Variants in DGKH observed in about 807,000 individuals in gnomAD.
DGKH encodes the protein diacylglycerol kinase eta.
A neutral mutation model predicts 159.3 loss-of-function variants in DGKH; 90 were observed. The ratio of observed to expected loss-of-function variants is 0.57; its 90% CI spans 0.48 to 0.67. DGKH has a LOEUF of 0.67. Among genes scored for constraint, DGKH ranks in the 30% least tolerant of loss-of-function variants. The pLI, the probability that DGKH is intolerant of heterozygous loss-of-function variation, is 0.00. For synonymous variants in DGKH, 536 were observed against 553.8 expected (o/e 0.97, Z 0.45); for missense variants, 1,181 against 1,506.1 (o/e 0.78, Z 3.57).
At chr13:42,174,428 G>A (rs991556297) in intron 12 of DGKH, among the ~76,000 whole-genome samples, 2 of 152,088 alleles carry the variant, frequency 1.3e-5, no homozygotes, top group African/African-American at 4.8e-5. Flanking sequence ...AAAGTCATGG[G>A]AGTTAAATGA....
chr13:42,253,946 A>T (rs900129829), intron 30 of DGKH, among the ~76,000 whole-genome samples: 2 of 151,746 alleles, frequency 1.3e-5, no homozygotes, highest in African/African-American at 4.8e-5. Context: ...CCCCATAATA[A>T]TGTTATATTG....
chr13:42,197,252 C>CAAA (rs71703387), intron 17 of DGKH, among the ~76,000 whole-genome samples: 56 of 85,976 alleles, frequency 6.5e-4, no homozygotes, highest in East Asian at 8.3e-4. Flanking sequence ...TCTATCTCAA[C>CAAA]AAAAAAAAAA....
At chr13:42,155,122 C>G (rs1357134278) in intron 3 of DGKH, among the ~76,000 whole-genome samples, 169 bp from the exon 4 acceptor site, 2 of 152,166 alleles carry the variant, frequency 1.3e-5, no homozygotes, top group Non-Finnish European at 2.9e-5. Context: ...GGTAGAAAAA[C>G]TCCTTAGGCT....
At chr13:42,081,377 G>A (rs1672394393) in intron 1 of DGKH, among the ~76,000 whole-genome samples, 1 of 152,036 alleles carries the variant, frequency 6.6e-6, no homozygotes, top group African/African-American at 2.4e-5. Context: ...CTACAGGTGT[G>A]CACCACCACG....
chr13:42,151,982 G>A (rs9533015), intron 3 of DGKH, among the ~76,000 whole-genome samples: 53,620 of 151,872 alleles, frequency 0.35, 9,975 homozygotes, highest in Non-Finnish European at 0.42. Context: ...TTTAATGACT[G>A]CTCTAAGATG....
chr13:42,187,985 G>T (rs1566171944), intron 14 of DGKH, among the ~76,000 whole-genome samples: 1 of 152,160 alleles, frequency 6.6e-6, no homozygotes. Context: ...CTTACAAAAG[G>T]CTTGAGTATC....
intron 13 of DGKH, among the ~76,000 whole-genome samples, chr13:42,183,495 G>A (rs1277290058): frequency 6.6e-6 from 1 of 151,976 alleles, no homozygotes; most frequent in Non-Finnish European, 1.5e-5. Context: ...TTTTGTGAAT[G>A]TTATTTATTT....
chr13:42,256,176 T>C, intron 30 of DGKH: 1 of 1,210,954 alleles, frequency 8.3e-7, no homozygotes, highest in Non-Finnish European at 1.2e-6. Context: ...GGGAATCATG[T>C]TGCTGTAACA....
intron 3 of DGKH, among the ~76,000 whole-genome samples, chr13:42,130,807 C>T (rs762294286): frequency 1.3e-5 from 2 of 151,904 alleles, no homozygotes; most frequent in African/African-American, 4.8e-5. Flanking sequence ...TATTCCTCCC[C>T]GTCTCCCCTG....
At position 42,199,638 on chromosome 13, in the gene DGKH, AT is replaced by A; in HGVS notation, c.2361del (p.Phe787LeufsTer19). On this transcript the variant is annotated frameshift_variant, in exon 19 of 30. Transcript: ENST00000337343. LOFTEE classifies it high-confidence loss of function. ...GATTAGATGCAAAAATTTCATTAGA[AT>A]TTAATAATAAAAGAGAGGAGCACCC... ...IGLDAKISLE[F>X]NNKREEHPEK... The A allele has an allele frequency of 6.2e-7, 1 of 1,605,396 alleles. No homozygotes were observed. Among genetic ancestry groups the A allele is most frequent in the South Asian group, 1.1e-5 (1 of 88,332 alleles).
chr13:42,140,183 A>G (rs61959221), intron 3 of DGKH, among the ~76,000 whole-genome samples: 2,497 of 152,290 alleles, frequency 0.016, 40 homozygotes, highest in Middle Eastern at 0.034. Context: ...CTGATTTCCT[A>G]GGTGGCCTTT....
intron 11 of DGKH, among the ~76,000 whole-genome samples, chr13:42,172,603 A>G (rs1956490459): frequency 6.6e-6 from 1 of 152,124 alleles, no homozygotes; most frequent in Non-Finnish European, 1.5e-5. Flanking sequence ...CAGCTGTGTT[A>G]TGCTTTTCTT....
At chr13:42,194,192 T>G (rs568787109) in intron 16 of DGKH, among the ~76,000 whole-genome samples, 10 of 152,258 alleles carry the variant, frequency 6.6e-5, no homozygotes, top group Admixed American at 6.5e-4. Context: ...CAGGCTAGAG[T>G]ACAGTGATGT....
chr13:42,158,793 TTTCAGACTTATA>T (rs1956104877), intron 5 of DGKH, among the ~76,000 whole-genome samples: 1 of 152,224 alleles, frequency 6.6e-6, no homozygotes, highest in Admixed American at 6.5e-5. Flanking sequence ...GTACTGACAT[TTTCAGACTTATA>T]ATCAGTATTT....
chr13:42,219,909 A>G (rs1284895802), intron 28 of DGKH, 115 bp downstream of exon 28: 4 of 832,554 alleles, frequency 4.8e-6, no homozygotes, highest in Non-Finnish European at 7.7e-6. Context: ...AGCATTGTGC[A>G]GTATGATGAA....
At position 42,162,830 on chromosome 13, in the gene DGKH, C is replaced by CTTT. The variant is rs34901359; in HGVS notation, c.856-2489_856-2487dup. ...AAAACACAAACAAAAACATGAGTTTCTTTTTTTTTTTTTTATTTTGCGTAT... is the reference window on the plus strand; with the variant it reads ...AAAACACAAACAAAAACATGAGTTTCTTTTTTTTTTTTTTTTTATTTTGCGTAT... On this transcript the variant is annotated intron_variant, in intron 7 of 29. Transcript: ENST00000337343. Among the ~76,000 whole-genome samples, 10 of 135,812 alleles carry CTTT rather than the reference C, an allele frequency of 7.4e-5. No homozygotes were observed. In the East Asian group the frequency reaches 1.6e-3, roughly 22 times the overall value. The allele number at this position is 135,812 out of a possible 152,430, so 89.1% of individuals were successfully genotyped here.
At chr13:42,219,617 C>A in intron 27 of DGKH, 69 bp from the exon 28 acceptor site, 1 of 1,386,056 alleles carries the variant, frequency 7.2e-7, no homozygotes, top group Non-Finnish European at 9.8e-7. Context: ...TGTGTTATCC[C>A]TATTATCAGA....
At chr13:42,165,246 T>G in intron 7 of DGKH, 85 bp from the exon 8 acceptor site, 1 of 637,812 alleles carries the variant, frequency 1.6e-6, no homozygotes, top group Non-Finnish European at 2.5e-6. Flanking sequence ...TACAGTTGAT[T>G]CTAGATTATC....
At position 42,071,541 on chromosome 13, in the gene DGKH, A is replaced by T. The variant is rs191042617; in HGVS notation, c.192+22576A>T. ...ATTCAGTGTTGGACTGGTCCTGAGC[A>T]GCATCGTTCTAAGGTGCTGGTAAGC... On this transcript the variant is annotated intron_variant, in intron 1 of 29. Coordinates refer to ENST00000337343, the MANE Select transcript of DGKH (RefSeq NM_178009.5). Among the ~76,000 whole-genome samples the T allele has an allele frequency of 6.2e-4, 94 of 152,370 alleles. 2 individuals carry two copies. In the South Asian group the frequency reaches 0.019, roughly 31 times the overall value.
Sources: allele counts gnomAD v4.1 joint callset (sites outside exome capture counted in the v4.1 genomes callset), GRCh38; gene constraint gnomAD v4.1.1; transcripts MANE v1.5; gene names NCBI Gene and HGNC (gene_info 2026-07-23, HGNC 2026-07-21).